DEFB110: variants seen among roughly 807,000 people sequenced by gnomAD.
DEFB110 encodes the protein defensin beta 110, also known as beta-defensin 110.
DEFB110 carries 4 observed loss-of-function variants against 2.5 expected under a neutral mutation model. The observed-to-expected ratio is 1.60, with a 90% CI of 0.79 to 3.66. The LOEUF (loss-of-function observed/expected upper bound fraction) is 3.66. Ranked by LOEUF, DEFB110 falls within the 30% of genes most tolerant of loss-of-function variation. DEFB110 has a pLI of 0.01. For synonymous variants in DEFB110, 29 were observed against 21.8 expected, an observed-to-expected ratio of 1.33 and a Z score of -0.92; for missense variants, 94 against 75.4, an observed-to-expected ratio of 1.25 and a Z score of -0.91.
chr6:50,013,673 G>A (rs183749656), intron 1 of DEFB110, among the ~76,000 whole-genome samples: 128 of 151,850 alleles, frequency 8.4e-4, no homozygotes, highest in Non-Finnish European at 1.2e-3. Flanking sequence ...AAAATAGAGA[G>A]GAGAAAGTGA....
intron 1 of DEFB110, among the ~76,000 whole-genome samples, chr6:50,020,936 T>C (rs1774408126): frequency 6.6e-6 from 1 of 152,194 alleles, no homozygotes; most frequent in South Asian, 2.1e-4. Context: ...AGTTCTGTCA[T>C]GTTTGGCACT....
At chr6:50,009,208 T>C in exon 2 of DEFB110, 1 of 1,610,010 alleles carries the variant, frequency 6.2e-7, no homozygotes, top group Non-Finnish European at 8.5e-7. Context: ...ACAAAACGTT[T>C]TACATATTCC....
At chr6:50,016,242 C>A (rs577324223), downstream of DEFB110, among the ~76,000 whole-genome samples, 1 of 151,794 alleles carries the variant, frequency 6.6e-6, no homozygotes, top group South Asian at 2.1e-4. Flanking sequence ...AATCTAATTT[C>A]AATATAATGC....
downstream of DEFB110, among the ~76,000 whole-genome samples, chr6:50,018,465 C>T (rs768362602): frequency 1.3e-5 from 2 of 151,978 alleles, no homozygotes; most frequent in Non-Finnish European, 2.9e-5. Flanking sequence ...TTCTTATACT[C>T]ATGATCCTTT....
At chr6:50,014,675 C>T (rs1774285689), downstream of DEFB110, among the ~76,000 whole-genome samples, 1 of 151,740 alleles carries the variant, frequency 6.6e-6, no homozygotes, top group African/African-American at 2.4e-5. Flanking sequence ...CAGCTCTCCT[C>T]GCAATTTCAA....
chr6:50,019,587 T>C (rs949559450), intron 1 of DEFB110, among the ~76,000 whole-genome samples: 1 of 152,072 alleles, frequency 6.6e-6, no homozygotes, highest in African/African-American at 2.4e-5. Flanking sequence ...CTAGTGAATT[T>C]GTCTAAATTC....
downstream of DEFB110, among the ~76,000 whole-genome samples, chr6:50,015,736 A>G (rs1291898881): frequency 6.6e-6 from 1 of 151,744 alleles, no homozygotes; most frequent in Non-Finnish European, 1.5e-5. Context: ...ACCAGACAAC[A>G]TTGTTAGTTT....
chr6:50,018,757 T>G, downstream of DEFB110: 7 of 1,188,696 alleles, frequency 5.9e-6, no homozygotes, highest in Non-Finnish European at 7.4e-6. Context: ...TTGCATAAAA[T>G]AAGTCCTGCT....
intron 1 of DEFB110, among the ~76,000 whole-genome samples, chr6:50,021,003 C>A (rs1351478125): frequency 1.3e-5 from 2 of 152,044 alleles, no homozygotes; most frequent in Non-Finnish European, 1.5e-5. Context: ...CATTCTTTGT[C>A]TTATTTCACC....
chr6:50,009,899 A>G (rs1774199087), intron 1 of DEFB110, among the ~76,000 whole-genome samples: 1 of 152,110 alleles, frequency 6.6e-6, no homozygotes, highest in Non-Finnish European at 1.5e-5. Context: ...TAAGACAATG[A>G]AAAGAAAGAT....
downstream of DEFB110, among the ~76,000 whole-genome samples, chr6:50,015,703 C>G (rs985565735): frequency 6.6e-6 from 1 of 151,816 alleles, no homozygotes; most frequent in African/African-American, 2.4e-5. Flanking sequence ...TGTATCCACT[C>G]ACTATACTAT....
chr6:50,019,643 T>C (rs942542131), intron 1 of DEFB110, among the ~76,000 whole-genome samples: 17 of 152,010 alleles, frequency 1.1e-4, no homozygotes, highest in Admixed American at 6.6e-5. Flanking sequence ...AAAGAAATCA[T>C]CTAACTCAGA....
At chr6:50,012,071 C>A (rs1200271752) in intron 1 of DEFB110, among the ~76,000 whole-genome samples, 1 of 151,878 alleles carries the variant, frequency 6.6e-6, no homozygotes, top group Non-Finnish European at 1.5e-5. Flanking sequence ...TCTTATAGTG[C>A]TAAAAATTAA....
At chr6:50,021,500 C>T (rs1221416533) in intron 1 of DEFB110, among the ~76,000 whole-genome samples, 1 of 152,158 alleles carries the variant, frequency 6.6e-6, no homozygotes, top group South Asian at 2.1e-4. Flanking sequence ...AGTAAAATCT[C>T]TCTCCATTTC....
At chr6:50,018,798 T>C, downstream of DEFB110, 2 of 1,283,024 alleles carry the variant, frequency 1.6e-6, no homozygotes, top group Non-Finnish European at 2.0e-6. Flanking sequence ...AGGAGAAAAG[T>C]GTAATGGAAA....
chr6:50,020,570 C>T (rs1774401837), intron 1 of DEFB110, among the ~76,000 whole-genome samples: 1 of 152,078 alleles, frequency 6.6e-6, no homozygotes, highest in Admixed American at 6.6e-5. Context: ...AAGGCCAGGC[C>T]TTTTGGCCTA....
At chr6:50,014,471 A>G (rs1774282849), downstream of DEFB110, among the ~76,000 whole-genome samples, 2 of 151,884 alleles carry the variant, frequency 1.3e-5, no homozygotes, top group South Asian at 4.1e-4. Context: ...GTGTTTACTA[A>G]TTAGAACCAT....
At chr6:50,021,600 A>G (rs1167261929) in intron 1 of DEFB110, among the ~76,000 whole-genome samples, 1 of 152,198 alleles carries the variant, frequency 6.6e-6, no homozygotes, top group Non-Finnish European at 1.5e-5. Context: ...TATGTTATAT[A>G]TTGCATAAAC....
downstream of DEFB110, among the ~76,000 whole-genome samples, chr6:50,016,072 G>T (rs1774311037): frequency 6.6e-6 from 1 of 151,764 alleles, no homozygotes. Context: ...CTTATGAAAA[G>T]TTGCCTGAAT....
Sources: gnomAD v4.1 joint callset for allele counts (sites outside exome capture counted in the v4.1 genomes callset) on GRCh38, gnomAD v4.1.1 for gene constraint, MANE v1.5 for transcripts, NCBI Gene and HGNC (gene_info 2026-07-23, HGNC 2026-07-21) for gene names.